The following LMO7 variants were observed in gnomAD, a reference collection of about 807,000 sequenced individuals.
LMO7 encodes the protein LIM domain 7.
In LMO7, 120 loss-of-function variants were observed where a neutral mutation model predicts 206.5. The ratio of observed to expected loss-of-function variants is 0.58; its 90% CI spans 0.50 to 0.68. The LOEUF (loss-of-function observed/expected upper bound fraction) is 0.68, where lower values mean the gene tolerates loss of function less well. Among genes scored for constraint, LMO7 ranks in the 30% least tolerant of loss-of-function variants. LMO7 has a pLI of 0.00. For missense variants in LMO7, 1,959 were observed against 1,957.9 expected, an observed-to-expected ratio of 1.00 and a Z score of -0.01; for synonymous variants, 706 against 681.5, an observed-to-expected ratio of 1.04 and a Z score of -0.56.
At chr13:75,636,782 G>T (rs1718634446) in intron 1 of LMO7, 56 bp downstream of exon 1, 1 of 1,510,698 alleles carries the variant, frequency 6.6e-7, no homozygotes, top group Admixed American at 1.9e-5. Flanking sequence ...CGGGGCGGTC[G>T]TCGCGAGGTG....
chr13:75,646,793 C>T (rs945290546), intron 1 of LMO7, among the ~76,000 whole-genome samples: 5 of 152,064 alleles, frequency 3.3e-5, no homozygotes, highest in African/African-American at 1.2e-4. Context: ...TCATGTTGAT[C>T]AGGCTGGTCT....
At chr13:75,705,617 A>G (rs1203707803) in intron 1 of LMO7, among the ~76,000 whole-genome samples, 1 of 152,236 alleles carries the variant, frequency 6.6e-6, no homozygotes, top group Admixed American at 6.5e-5. Flanking sequence ...CAACAGCATT[A>G]CGTGAAATGT....
intron 4 of LMO7, among the ~76,000 whole-genome samples, chr13:75,790,984 T>C (rs992506092): frequency 2.4e-4 from 13 of 54,574 alleles, no homozygotes; most frequent in East Asian, 1.2e-3. Flanking sequence ...TATCTACCCC[T>C]TTTTTTTTTT....
chr13:75,664,160 C>T (rs1248476610), intron 1 of LMO7, among the ~76,000 whole-genome samples: 3 of 152,088 alleles, frequency 2.0e-5, no homozygotes, highest in African/African-American at 7.2e-5. Flanking sequence ...CCTCTGGTAA[C>T]CATCCTTCTA....
intron 2 of LMO7, among the ~76,000 whole-genome samples, chr13:75,629,215 A>G (rs2034600916): frequency 6.6e-6 from 1 of 152,212 alleles, no homozygotes; most frequent in Non-Finnish European, 1.5e-5. Context: ...GGCACTAAGC[A>G]ATCATATTTT....
chr13:75,727,515 T>C (rs1257482658), intron 3 of LMO7, among the ~76,000 whole-genome samples: 1 of 152,086 alleles, frequency 6.6e-6, no homozygotes. Context: ...TTTTCTCCTG[T>C]ATCATTTCAG....
chr13:75,732,226 AC>A (rs2045318520), intron 3 of LMO7, among the ~76,000 whole-genome samples: 1 of 152,136 alleles, frequency 6.6e-6, no homozygotes, highest in African/African-American at 2.4e-5. Context: ...GTGTTTTCCA[AC>A]TTGGTTCCAT....
intron 3 of LMO7, among the ~76,000 whole-genome samples, chr13:75,751,929 T>A (rs2047303334): frequency 6.6e-6 from 1 of 152,094 alleles, no homozygotes; most frequent in South Asian, 2.1e-4. Flanking sequence ...AAATATATAT[T>A]TTTTGATCCT....
intron 15 of LMO7, among the ~76,000 whole-genome samples, 158 bp downstream of exon 15, chr13:75,824,031 G>A (rs753131612): frequency 5.3e-5 from 8 of 152,196 alleles, no homozygotes; most frequent in Non-Finnish European, 1.2e-4. Context: ...GGAGGAAGTA[G>A]GTCTCTTTCC....
At chr13:75,633,841 C>CTTTT (rs60769000), upstream of LMO7, among the ~76,000 whole-genome samples, 9 of 64,706 alleles carry the variant, frequency 1.4e-4, no homozygotes, top group East Asian at 6.5e-4. Context: ...GTGTCTTTTC[C>CTTTT]TTTTTTTTTT....
chr13:75,803,668 G>C (rs1427524630), intron 7 of LMO7, among the ~76,000 whole-genome samples: 1 of 152,098 alleles, frequency 6.6e-6, no homozygotes, highest in Non-Finnish European at 1.5e-5. Context: ...TAATTTCCAT[G>C]GCCACTCTGA....
chr13:75,823,346 A>G (rs149592123), intron 14 of LMO7, among the ~76,000 whole-genome samples: 7 of 152,288 alleles, frequency 4.6e-5, no homozygotes, highest in African/African-American at 1.7e-4. Context: ...CAAATTTCGG[A>G]AGTTTGTATG....
intron 3 of LMO7, among the ~76,000 whole-genome samples, chr13:75,755,176 G>A (rs187607728): frequency 2.0e-4 from 30 of 152,200 alleles, no homozygotes; most frequent in Admixed American, 1.0e-3. Context: ...ATTCTGGGTG[G>A]TCCCTCACCT....
intron 4 of LMO7, among the ~76,000 whole-genome samples, chr13:75,762,080 C>A (rs2048290006): frequency 6.6e-6 from 1 of 152,144 alleles, no homozygotes; most frequent in Non-Finnish European, 1.5e-5. Context: ...AGCCCCAAAT[C>A]CAGGTAGACT....
intron 1 of LMO7, among the ~76,000 whole-genome samples, chr13:75,696,850 G>A (rs2041939828): frequency 6.6e-6 from 1 of 152,256 alleles, no homozygotes; most frequent in East Asian, 1.9e-4. Context: ...ACTGAGCCGA[G>A]GGGAGGTGTG....
intron 1 of LMO7, among the ~76,000 whole-genome samples, chr13:75,684,637 A>G (rs2040826438): frequency 6.6e-6 from 1 of 151,768 alleles, no homozygotes; most frequent in Non-Finnish European, 1.5e-5. Flanking sequence ...TTCTTAGGTA[A>G]ATAGGGTTAA....
At chr13:75,741,239 G>A (rs550671844) in intron 3 of LMO7, among the ~76,000 whole-genome samples, 1 of 152,294 alleles carries the variant, frequency 6.6e-6, no homozygotes, top group East Asian at 1.9e-4. Flanking sequence ...TTACTAGTTT[G>A]TCAATCTCAT....
chr13:75,720,972 T>C (rs2043975081), intron 2 of LMO7, among the ~76,000 whole-genome samples: 3 of 152,208 alleles, frequency 2.0e-5, no homozygotes, highest in Non-Finnish European at 2.9e-5. Context: ...CATGGACATG[T>C]GATTACTTAT....
chr13:75,637,837 G>C lies in LMO7; in HGVS notation c.69+1111G>C, dbSNP rs568723658. Among the ~76,000 whole-genome samples, 15 of 152,268 alleles carry C rather than the reference G, an allele frequency of 9.9e-5. No homozygotes were observed. In the South Asian group the frequency reaches 2.5e-3, roughly 25 times the overall value. On this transcript the variant is annotated intron_variant, in intron 1 of 30. Transcript: ENST00000377534. ...GTGAAATGTGAGTAGCATTAACCAC[G>C]GGACAGTAGGGAGGTCTAAGGAATG...
Sources: allele counts gnomAD v4.1 joint callset (sites outside exome capture counted in the v4.1 genomes callset), GRCh38; gene constraint gnomAD v4.1.1; transcripts MANE v1.5; gene names NCBI Gene and HGNC (gene_info 2026-07-23, HGNC 2026-07-21).